LIPC: variants seen among roughly 807,000 people sequenced by gnomAD.
The protein encoded by LIPC is lipase C, hepatic type, also known as hepatic triacylglycerol lipase.
LIPC carries 44 observed loss-of-function variants against 50.7 expected under a neutral mutation model. The observed-to-expected ratio is 0.87, with a 90% CI of 0.68 to 1.11. The LOEUF (loss-of-function observed/expected upper bound fraction) is 1.11. Among genes scored for constraint, LIPC ranks in the 50% most tolerant of loss-of-function variants. The probability of loss-of-function intolerance (pLI) is 0.00; values close to 1 mark genes in which losing one functional copy is unlikely to be tolerated. For missense variants in LIPC, 697 were observed against 648.2 expected (o/e 1.08, Z -0.82); for synonymous variants, 271 against 256.4 (o/e 1.06, Z -0.54).
intron 6 of LIPC, among the ~76,000 whole-genome samples, chr15:58,557,302 A>G (rs1281156984): frequency 1.3e-5 from 2 of 152,000 alleles, no homozygotes; most frequent in Non-Finnish European, 2.9e-5. Flanking sequence ...AAGTGAGATG[A>G]CAGAAGCAAA....
intron 1 of LIPC, among the ~76,000 whole-genome samples, chr15:58,507,508 C>T (rs1892189657): frequency 6.6e-6 from 1 of 152,174 alleles, no homozygotes; most frequent in Admixed American, 6.5e-5. Flanking sequence ...ATCAAGGATT[C>T]CCCCGGCCAC....
chr15:58,564,723 C>A (rs1203103534), intron 8 of LIPC, among the ~76,000 whole-genome samples: 1 of 151,798 alleles, frequency 6.6e-6, no homozygotes, highest in African/African-American at 2.4e-5. Flanking sequence ...AGAGAGACTC[C>A]GTCTCAAAAA....
chr15:58,437,062 T>C (rs1344946263), intron 1 of LIPC: 1 of 357,392 alleles, frequency 2.8e-6, no homozygotes, highest in East Asian at 7.3e-5. Context: ...CGAACAGGCA[T>C]GGTTTTGAAT....
chr15:58,529,044 C>T (rs1892871899), intron 1 of LIPC, among the ~76,000 whole-genome samples: 1 of 152,178 alleles, frequency 6.6e-6, no homozygotes, highest in Non-Finnish European at 1.5e-5. Flanking sequence ...CCCACCCCTC[C>T]TTCTATTCCT....
intron 8 of LIPC, among the ~76,000 whole-genome samples, chr15:58,567,315 GTATA>G (rs1294220212): frequency 3.2e-3 from 100 of 31,668 alleles, no homozygotes; most frequent in Middle Eastern, 0.026. Context: ...ACATATATAT[GTATA>G]TGTGTATATA....
intron 6 of LIPC, among the ~76,000 whole-genome samples, chr15:58,555,481 C>T (rs963640634): frequency 9.9e-5 from 15 of 152,090 alleles, no homozygotes; most frequent in Admixed American, 2.0e-4. Context: ...AAACAGCAGG[C>T]GATATAGAAA....
intron 1 of LIPC, among the ~76,000 whole-genome samples, chr15:58,507,023 G>A (rs1455845829): frequency 4.6e-5 from 7 of 152,146 alleles, no homozygotes; most frequent in African/African-American, 1.2e-4. Flanking sequence ...ATCAGATCTC[G>A]TGAGAACTCA....
chr15:58,435,151 GA>G (rs1893250860), intron 1 of LIPC: 1 of 152,164 alleles, frequency 6.6e-6, no homozygotes, highest in Non-Finnish European at 1.5e-5. Flanking sequence ...GTAATTTTAT[GA>G]AAAATAACTT....
intron 1 of LIPC, among the ~76,000 whole-genome samples, chr15:58,468,502 A>T (rs1200107287): frequency 1.3e-5 from 2 of 152,210 alleles, no homozygotes; most frequent in African/African-American, 4.8e-5. Flanking sequence ...TCCATGGAAT[A>T]CTAATTTGCC....
chr15:58,466,600 C>CA (rs1894573601), intron 1 of LIPC, among the ~76,000 whole-genome samples: 2 of 152,178 alleles, frequency 1.3e-5, no homozygotes, highest in Non-Finnish European at 2.9e-5. Context: ...CTGCGAAGAC[C>CA]AAAATTCTTC....
chr15:58,551,829 T>C (rs1311056558), intron 6 of LIPC, among the ~76,000 whole-genome samples: 1 of 152,196 alleles, frequency 6.6e-6, no homozygotes, highest in Admixed American at 6.5e-5. Flanking sequence ...TGATTGTAGT[T>C]TCACAAAGGA....
intron 1 of LIPC, among the ~76,000 whole-genome samples, chr15:58,465,069 C>T (rs1172598940): frequency 2.0e-5 from 3 of 152,296 alleles, no homozygotes; most frequent in Admixed American, 6.5e-5. Flanking sequence ...GGCTGGTTTG[C>T]ACTGGAGGAA....
intron 1 of LIPC, among the ~76,000 whole-genome samples, chr15:58,456,992 C>A (rs1894145633): frequency 6.6e-6 from 1 of 152,220 alleles, no homozygotes; most frequent in African/African-American, 2.4e-5. Flanking sequence ...AACTAGGCTC[C>A]AGCAGAGATG....
intron 8 of LIPC, among the ~76,000 whole-genome samples, chr15:58,564,837 C>A (rs1309323856): frequency 2.6e-5 from 4 of 152,196 alleles, no homozygotes; most frequent in Admixed American, 2.0e-4. Flanking sequence ...AGCAACCGTG[C>A]TTTTCGGTCA....
At chr15:58,460,696 C>G (rs754190490) in intron 1 of LIPC, among the ~76,000 whole-genome samples, 1 of 152,172 alleles carries the variant, frequency 6.6e-6, no homozygotes, top group Non-Finnish European at 1.5e-5. Flanking sequence ...TCACACAGGT[C>G]CATTTCCTAC....
intron 1 of LIPC, among the ~76,000 whole-genome samples, chr15:58,493,131 A>G (rs1207394521): frequency 1.3e-5 from 2 of 152,150 alleles, no homozygotes; most frequent in East Asian, 1.9e-4. Flanking sequence ...GGTATCTCAC[A>G]TCATCATCAG....
chr15:58,509,977 A>C lies in LIPC; in HGVS notation c.89-28356A>C, dbSNP rs140426864. 2.4e-3 allele frequency among the ~76,000 whole-genome samples: 362 copies of C among 152,304 alleles called. 1 individual carries two copies. The highest frequency in any genetic ancestry group is 8.1e-3 in the African/African-American group (337 of 41,546). On this transcript the variant is annotated intron_variant, in intron 1 of 8. Transcript: ENST00000299022. ...GAATCATTAAAAAAAAAAAGAGTTT[A>C]GAAAAAGAAGAAGCTATTTATATAC...
intron 6 of LIPC, among the ~76,000 whole-genome samples, chr15:58,558,631 A>ACATACTAGAGATCTAGGTTGCATGCTCC: frequency 6.6e-6 from 1 of 151,804 alleles, no homozygotes; most frequent in Non-Finnish European, 1.5e-5. Flanking sequence ...ATTGTGAACT[A>ACATACTAGAGATCTAGGTTGCATGCTCC]TTATGAGAAT....
chr15:58,565,244 C>A, intron 8 of LIPC: 1 of 1,535,742 alleles, frequency 6.5e-7, no homozygotes, highest in Non-Finnish European at 8.7e-7. Flanking sequence ...GAGCTCTTCT[C>A]ACATGACTCT....
Sources: gnomAD v4.1 joint callset for allele counts (sites outside exome capture counted in the v4.1 genomes callset) on GRCh38, gnomAD v4.1.1 for gene constraint, MANE v1.5 for transcripts, NCBI Gene and HGNC (gene_info 2026-07-23, HGNC 2026-07-21) for gene names.